SLC5A4: variants seen among roughly 807,000 people sequenced by gnomAD.
SLC5A4 encodes solute carrier family 5 member 4.
A neutral mutation model predicts 70.3 loss-of-function variants in SLC5A4; 55 were observed. The ratio of observed to expected loss-of-function variants is 0.78; its 90% CI spans 0.63 to 0.98. The LOEUF (loss-of-function observed/expected upper bound fraction) is 0.98. SLC5A4 is among the 50% of genes least tolerant of loss of function. The pLI is 0.00. For missense variants in SLC5A4, 735 were observed against 839.2 expected (o/e 0.88, Z 1.53); for synonymous variants, 268 against 305.7 (o/e 0.88, Z 1.29).
chr22:32,285,639 C>A, the SLC5A4 span, among the ~76,000 whole-genome samples: 1 of 151,904 alleles, frequency 6.6e-6, no homozygotes, highest in East Asian at 1.9e-4. Flanking sequence ...GTTGATATAA[C>A]CCTTCAGAAT....
chr22:32,255,463 T>C, upstream of SLC5A4: 1 of 933,258 alleles, frequency 1.1e-6, no homozygotes, highest in Non-Finnish European at 1.6e-6. Flanking sequence ...AAACCTCTTC[T>C]CCAAAGCTGT....
At chr22:32,328,308 G>A in the SLC5A4 span, among the ~76,000 whole-genome samples, 1 of 152,034 alleles carries the variant, frequency 6.6e-6, no homozygotes, top group African/African-American at 2.4e-5. Flanking sequence ...CCCTCCTTTG[G>A]TACCCAAAGG....
the SLC5A4 span, among the ~76,000 whole-genome samples, chr22:32,310,511 C>CA: frequency 5.9e-5 from 9 of 151,952 alleles, no homozygotes; most frequent in East Asian, 5.8e-4. Flanking sequence ...CAACATGGGC[C>CA]TGGGGGGTGC....
chr22:32,322,148 G>C, the SLC5A4 span, among the ~76,000 whole-genome samples: 1 of 152,184 alleles, frequency 6.6e-6, no homozygotes, highest in African/African-American at 2.4e-5. Flanking sequence ...CTAAGGGTTG[G>C]AAACCAGAAT....
At chr22:32,267,854 GT>G in the SLC5A4 span, among the ~76,000 whole-genome samples, 1 of 152,264 alleles carries the variant, frequency 6.6e-6, no homozygotes. Flanking sequence ...GCTGGACGTG[GT>G]GGCTCACGCC....
the SLC5A4 span, among the ~76,000 whole-genome samples, chr22:32,290,379 C>T: frequency 3.0e-4 from 45 of 152,002 alleles, 1 homozygote; most frequent in Non-Finnish European, 5.6e-4. Flanking sequence ...TTGCTGAGAA[C>T]GATGGTTTCC....
At chr22:32,313,440 C>T in the SLC5A4 span, among the ~76,000 whole-genome samples, 4 of 152,178 alleles carry the variant, frequency 2.6e-5, no homozygotes, top group South Asian at 2.1e-4. Context: ...CTGACAAAAA[C>T]GATCCTGTAT....
At chr22:32,259,229 A>G (rs898222917), upstream of SLC5A4, among the ~76,000 whole-genome samples, 1 of 152,254 alleles carries the variant, frequency 6.6e-6, no homozygotes, top group Non-Finnish European at 1.5e-5. Flanking sequence ...TAAGTGTTCT[A>G]ATCACATAAT....
At chr22:32,323,752 T>C in the SLC5A4 span, among the ~76,000 whole-genome samples, 2 of 152,232 alleles carry the variant, frequency 1.3e-5, no homozygotes, top group African/African-American at 4.8e-5. Flanking sequence ...CCTTTTAAGC[T>C]GCTCAGTTCC....
chr22:32,337,543 AAAAG>A, the SLC5A4 span, among the ~76,000 whole-genome samples: 3 of 148,466 alleles, frequency 2.0e-5, no homozygotes, highest in South Asian at 6.3e-4. Context: ...AAAAAGAAAA[AAAAG>A]AAAAGAAAAA....
the SLC5A4 span, among the ~76,000 whole-genome samples, chr22:32,328,190 C>G: frequency 2.0e-5 from 3 of 152,234 alleles, no homozygotes; most frequent in African/African-American, 7.2e-5. Context: ...TCAGTTCCCC[C>G]ATCTGTAAAA....
At chr22:32,350,074 G>C in the SLC5A4 span, among the ~76,000 whole-genome samples, 1 of 151,986 alleles carries the variant, frequency 6.6e-6, no homozygotes, top group Non-Finnish European at 1.5e-5. Context: ...ACACTTCTTG[G>C]GGGTCCATGA....
the SLC5A4 span, among the ~76,000 whole-genome samples, chr22:32,266,661 G>A: frequency 6.6e-6 from 1 of 152,174 alleles, no homozygotes; most frequent in Non-Finnish European, 1.5e-5. Flanking sequence ...TGAGCCCCCG[G>A]CAGTCCAATA....
At chr22:32,308,390 G>A in the SLC5A4 span, among the ~76,000 whole-genome samples, 10,961 of 152,264 alleles carry the variant, frequency 0.072, 410 homozygotes, top group Non-Finnish European at 0.092. Context: ...TGTGGACAGC[G>A]GCTAGAGGGA....
chr22:32,240,437 GTA>G (rs3069416), intron 5 of SLC5A4, among the ~76,000 whole-genome samples: 51,153 of 149,344 alleles, frequency 0.34, 9,099 homozygotes, highest in African/African-American at 0.39. Context: ...ATATATGTGT[GTA>G]TATATATATA....
the SLC5A4 span, chr22:32,273,057 G>C: frequency 5.7e-6 from 3 of 523,360 alleles, no homozygotes; most frequent in Admixed American, 6.7e-5. Context: ...CACCATATCC[G>C]ACATCATCCT....
chr22:32,330,094 T>G, the SLC5A4 span, among the ~76,000 whole-genome samples: 59 of 102,282 alleles, frequency 5.8e-4, 1 homozygote, highest in African/African-American at 1.9e-3. Context: ...GGTGTGTGTG[T>G]GGGGGGCTGT....
At chr22:32,273,404 C>A in the SLC5A4 span, 1 of 168,266 alleles carries the variant, frequency 5.9e-6, no homozygotes. Flanking sequence ...ATATGTGGTA[C>A]ACCTACAGGC....
the SLC5A4 span, among the ~76,000 whole-genome samples, chr22:32,346,428 G>A: frequency 6.6e-6 from 1 of 151,992 alleles, no homozygotes. Context: ...CAAAGCTGGA[G>A]GCATCACGCT....
Sources: allele counts gnomAD v4.1 joint callset (sites outside exome capture counted in the v4.1 genomes callset), GRCh38; gene constraint gnomAD v4.1.1; transcripts MANE v1.5; gene names NCBI Gene and HGNC (gene_info 2026-07-23, HGNC 2026-07-21).